Variants in G3BP1 observed in about 807,000 individuals in gnomAD.
G3BP1 encodes G3BP stress granule assembly factor 1, also known as ras GTPase-activating protein-binding protein 1.
In G3BP1, 35 loss-of-function variants were observed where a neutral mutation model predicts 58.6. The observed-to-expected ratio is 0.60, with a 90% CI of 0.46 to 0.79. G3BP1 has a LOEUF of 0.79. G3BP1 is among the 30% of genes least tolerant of loss of function. G3BP1 has a pLI of 0.00. For synonymous variants in G3BP1, 191 were observed against 195.4 expected (o/e 0.98, Z 0.19); for missense variants, 523 against 580.8 (o/e 0.90, Z 1.02).
Position 151,810,873 on chromosome 5 carries a change from T to G in G3BP1, c.*6782T>G, listed in dbSNP as rs1763008390. On this transcript the variant is annotated 3_prime_UTR_variant, in exon 12 of 12. Transcript: ENST00000356245. The stretch of plus-strand genomic sequence containing the variant: ...AGGGGGAGGAAGTCACTGGCCAGTT[T>G]GAGGTGCTTCCATTGGTCTGGGTAA... The G allele has an allele frequency of 1.3e-5, 2 of 152,236 alleles. No homozygotes were observed. Among genetic ancestry groups the G allele is most frequent in the Non-Finnish European group, 2.9e-5 (2 of 68,058 alleles). 9.4% of individuals were successfully genotyped at this position (152,236 alleles called of 1,614,324 possible).
chr5:151,783,684 T>G (rs58560674), intron 1 of G3BP1, among the ~76,000 whole-genome samples: 1 of 152,012 alleles, frequency 6.6e-6, no homozygotes, highest in African/African-American at 2.4e-5. Flanking sequence ...AGCCCCAATT[T>G]TTTTTTTTTA....
intron 2 of G3BP1, among the ~76,000 whole-genome samples, chr5:151,788,664 C>T (rs1198670757): frequency 6.7e-6 from 1 of 148,718 alleles, no homozygotes; most frequent in Non-Finnish European, 1.5e-5. Context: ...TGTCACCGAG[C>T]CTGGAATGCA....
chr5:151,799,238 T>C lies in G3BP1; in HGVS notation c.768T>C (p.Ser256=), dbSNP rs766900559. ...CATTTTCTTGGGCATCTGTGACCAG[T>C]AAGAATCTTCCACCCAGTGGAGCTG... ...LRTFSWASVT[S]KNLPPSGAVP... is the part of the protein sequence containing the mutation. The change falls in exon 8 of 12, where the codon AGT becomes AGC. Residue 256 remains serine, a synonymous_variant. Transcript: ENST00000356245. The C allele has an allele frequency of 2.6e-5, 42 of 1,597,130 alleles. No homozygotes were observed. The highest frequency in any genetic ancestry group is 3.3e-5 in the Non-Finnish European group (39 of 1,164,576).
chr5:151,798,413 G>T (rs1762792774), intron 7 of G3BP1, among the ~76,000 whole-genome samples: 1 of 152,138 alleles, frequency 6.6e-6, no homozygotes, highest in African/African-American at 2.4e-5. Flanking sequence ...CACTTAGTTG[G>T]TTATTATAGT....
Position 151,797,434 on chromosome 5 carries a change from A to C in G3BP1, c.741+6A>C. 6.3e-7 allele frequency: 1 copy of C among 1,596,494 alleles called. No homozygotes were observed. The highest frequency in any genetic ancestry group is 2.2e-5 in the East Asian group (1 of 44,724). The stretch of plus-strand genomic sequence containing the variant: ...CAGTACAGGAAGACTTGAGGGTATG[A>C]AACGTGTCTTCATTTTTATTCTATT... On this transcript the variant is annotated splice_donor_region_variant and intron_variant, in intron 7 of 11. Coordinates refer to ENST00000356245, the MANE Select transcript of G3BP1 (RefSeq NM_005754.3).
At position 151,804,221 on chromosome 5, in the gene G3BP1, T is replaced by G. The variant is rs1762906426; in HGVS notation, c.*130T>G. On this transcript the variant is annotated 3_prime_UTR_variant, in exon 12 of 12. Coordinates refer to ENST00000356245, the MANE Select transcript of G3BP1 (RefSeq NM_005754.3). ...CTGCTTAAGTTTGTATAATTTTACT[T>G]TTTTTGTGTGTTAATGGTGTGTGCT... The G allele has an allele frequency of 3.4e-6, 2 of 589,020 alleles. No individual in the cohort carries two copies. Among genetic ancestry groups the G allele is most frequent in the Non-Finnish European group, 5.8e-6 (2 of 346,324 alleles). 36.5% of individuals were successfully genotyped at this position (589,020 alleles called of 1,614,324 possible).
intron 1 of G3BP1, among the ~76,000 whole-genome samples, chr5:151,773,087 T>C (rs1762302210): frequency 6.6e-6 from 1 of 152,244 alleles, no homozygotes; most frequent in South Asian, 2.1e-4. Flanking sequence ...CCTCATCGGG[T>C]TTGAATCTCA....
At position 151,809,376 on chromosome 5, in the gene G3BP1, G is replaced by C. The variant is rs541280455; in HGVS notation, c.*5285G>C. 9 of 152,086 alleles carry C rather than the reference G, an allele frequency of 5.9e-5. No individual in the cohort carries two copies. Among genetic ancestry groups the C allele is most frequent in the Non-Finnish European group, 1.0e-4 (7 of 68,010 alleles). The allele number at this position is 152,086 out of a possible 1,614,324, so 9.4% of individuals were successfully genotyped here. On this transcript the variant is annotated 3_prime_UTR_variant, in exon 12 of 12. Coordinates refer to ENST00000356245, the MANE Select transcript of G3BP1 (RefSeq NM_005754.3). ...AGAAAACTTTTTGAAAAATCATTTG[G>C]TGCATGCTAAGGTAGCTTGTAGGAC...
At position 151,804,859 on chromosome 5, in the gene G3BP1, C is replaced by T. The variant is rs1762915270; in HGVS notation, c.*768C>T. On this transcript the variant is annotated 3_prime_UTR_variant, in exon 12 of 12. Transcript: ENST00000356245. Reference sequence around the variant, plus strand: ...ACAAAAAGCAAAAAAATTCCCAAAACCCAGATAACAACCAGAGCAAAACTG... The same window carrying T: ...ACAAAAAGCAAAAAAATTCCCAAAATCCAGATAACAACCAGAGCAAAACTG... The T allele has an allele frequency of 1.3e-5, 2 of 152,406 alleles. No individual in the cohort carries two copies. Among genetic ancestry groups the T allele is most frequent in the South Asian group, 4.2e-4 (2 of 4,816 alleles). 9.4% of individuals were successfully genotyped at this position (152,406 alleles called of 1,614,324 possible).
At position 151,809,326 on chromosome 5, in the gene G3BP1, A is replaced by AGTT. The variant is rs1273305502; in HGVS notation, c.*5237_*5239dup. The stretch of plus-strand genomic sequence containing the variant: ...CCCTTTAAATGACATTATACCAAGA[A>AGTT]GTTGGTATAAGGGAGTAGGAGATGA... On this transcript the variant is annotated 3_prime_UTR_variant, in exon 12 of 12. Transcript: ENST00000356245. 1 of 152,182 alleles carries AGTT rather than the reference A, an allele frequency of 6.6e-6. No individual in the cohort carries two copies. Among genetic ancestry groups the AGTT allele is most frequent in the Non-Finnish European group, 1.5e-5 (1 of 68,038 alleles). The allele number at this position is 152,182 out of a possible 1,614,324, so 9.4% of individuals were successfully genotyped here. A position where few individuals can be genotyped will look rare whatever the true frequency, so the allele number is the denominator to read the frequency against.
intron 2 of G3BP1, among the ~76,000 whole-genome samples, chr5:151,789,271 T>C (rs114634569): frequency 6.6e-6 from 1 of 151,958 alleles, no homozygotes; most frequent in Non-Finnish European, 1.5e-5. Flanking sequence ...GGCAAAGCCT[T>C]CTCTCTATAC....
At position 151,805,982 on chromosome 5, in the gene G3BP1, G is replaced by A. The variant is rs1272398309; in HGVS notation, c.*1891G>A. On this transcript the variant is annotated 3_prime_UTR_variant, in exon 12 of 12. Coordinates refer to ENST00000356245, the MANE Select transcript of G3BP1 (RefSeq NM_005754.3). ...AGTTCTTCCTACTTGGAGACTTAAG[G>A]GCATTAACTAGATGCAGCAATCCTC... The A allele has an allele frequency of 6.6e-6, 1 of 152,056 alleles. No individual in the cohort carries two copies. Among genetic ancestry groups the A allele is most frequent in the African/African-American group, 2.4e-5 (1 of 41,388 alleles). The allele number at this position is 152,056 out of a possible 1,614,324, so 9.4% of individuals were successfully genotyped here. A position where few individuals can be genotyped will look rare whatever the true frequency, so the allele number is the denominator to read the frequency against.
At chr5:151,800,598 T>G (rs1762833457) in intron 10 of G3BP1, among the ~76,000 whole-genome samples, 162 bp from the exon 11 acceptor site, 2 of 152,214 alleles carry the variant, frequency 1.3e-5, no homozygotes, top group African/African-American at 2.4e-5. Context: ...CCTCCCATAA[T>G]TTTACACTTA....
chr5:151,776,915 G>A (rs1156527220), intron 1 of G3BP1, among the ~76,000 whole-genome samples: 1 of 135,152 alleles, frequency 7.4e-6, no homozygotes, highest in African/African-American at 2.7e-5. Flanking sequence ...TTTTTTTTTG[G>A]CTCCTTTGTC....
intron 2 of G3BP1, among the ~76,000 whole-genome samples, chr5:151,789,910 CACACCT>C (rs1762620491): frequency 6.6e-6 from 1 of 152,076 alleles, no homozygotes; most frequent in South Asian, 2.1e-4. Context: ...CGCGGTGACT[CACACCT>C]ACAATTCCAG....
intron 1 of G3BP1, among the ~76,000 whole-genome samples, chr5:151,783,493 T>C (rs1762507106): frequency 6.6e-6 from 1 of 151,618 alleles, no homozygotes; most frequent in Non-Finnish European, 1.5e-5. Flanking sequence ...CTGCAACCTC[T>C]GCCTCCCAGG....
chr5:151,786,594 TC>T lies in G3BP1; in HGVS notation c.-21del. On this transcript the variant is annotated 5_prime_UTR_variant, in exon 2 of 12. Transcript: ENST00000356245. ...CAGGTTTGGACATATTTGACTCTTT[TC>T]CCCCCAGGTTGAATTGACCAAAGCA... 1 of 1,464,996 alleles carries T rather than the reference TC, an allele frequency of 6.8e-7. No homozygotes were observed. The highest frequency in any genetic ancestry group is 9.6e-7 in the Non-Finnish European group (1 of 1,044,358). The allele number at this position is 1,464,996 out of a possible 1,614,324, so 90.7% of individuals were successfully genotyped here.
chr5:151,774,113 C>T (rs2113211262), intron 1 of G3BP1, among the ~76,000 whole-genome samples: 1 of 152,290 alleles, frequency 6.6e-6, no homozygotes, highest in African/African-American at 2.4e-5. Context: ...TAATGTAAGG[C>T]TTGGCAAGGC....
rs1430064078 is a variant in G3BP1, at chr5:151,807,217, C to A, written c.*3126C>A. Reference sequence around the variant, plus strand: ...AAAGTTAATTTTCACATCTGTGCTGCGGGTTAGGTGATATTGTCCTCAGCA... The same window carrying A: ...AAAGTTAATTTTCACATCTGTGCTGAGGGTTAGGTGATATTGTCCTCAGCA... On this transcript the variant is annotated 3_prime_UTR_variant, in exon 12 of 12. Coordinates refer to ENST00000356245, the MANE Select transcript of G3BP1 (RefSeq NM_005754.3). 2 of 152,092 alleles carry A rather than the reference C, an allele frequency of 1.3e-5. No individual in the cohort carries two copies. Among genetic ancestry groups the A allele is most frequent in the African/African-American group, 4.8e-5 (2 of 41,400 alleles). The allele number at this position is 152,092 out of a possible 1,614,324, so 9.4% of individuals were successfully genotyped here.
Sources: allele counts gnomAD v4.1 joint callset (sites outside exome capture counted in the v4.1 genomes callset), GRCh38; gene constraint gnomAD v4.1.1; transcripts MANE v1.5; gene names NCBI Gene and HGNC (gene_info 2026-07-23, HGNC 2026-07-21).